The following HADH variants were observed in gnomAD, a reference collection of about 807,000 sequenced individuals.
HADH encodes the protein hydroxyacyl-coenzyme A dehydrogenase, mitochondrial.
Under a neutral mutation model 32.2 loss-of-function variants are expected in HADH, and 24 were observed. That is an observed-to-expected ratio of 0.75 (90% confidence interval 0.54 to 1.05). The LOEUF is 1.05. Ranked by LOEUF, HADH falls within the 50% of genes least tolerant of loss-of-function variation. The pLI is 0.00. For missense variants in HADH, 350 were observed against 397.1 expected, an observed-to-expected ratio of 0.88 and a Z score of 1.01; for synonymous variants, 139 against 152.5, an observed-to-expected ratio of 0.91 and a Z score of 0.65.
chr4:108,022,165 ATATG>A (rs551854845), intron 4 of HADH, among the ~76,000 whole-genome samples: 7 of 121,236 alleles, frequency 5.8e-5, no homozygotes, highest in Non-Finnish European at 9.1e-5. Context: ...TTACATATAT[ATATG>A]TGTGTGTGTG....
chr4:107,992,988 T>C (rs1270399695), intron 1 of HADH, among the ~76,000 whole-genome samples: 1 of 152,166 alleles, frequency 6.6e-6, no homozygotes, highest in Non-Finnish European at 1.5e-5. Context: ...TGGTGGCATG[T>C]GCCTGTGGTC....
chr4:107,999,465 G>A (rs909426324), intron 1 of HADH, among the ~76,000 whole-genome samples: 3 of 152,114 alleles, frequency 2.0e-5, no homozygotes, highest in Non-Finnish European at 4.4e-5. Context: ...CTAGACTCTG[G>A]CTATTAGCTC....
chr4:108,007,553 C>A (rs1735331633), intron 1 of HADH, among the ~76,000 whole-genome samples: 1 of 152,218 alleles, frequency 6.6e-6, no homozygotes, highest in Non-Finnish European at 1.5e-5. Context: ...GCTGCTCACC[C>A]ATGCTTAAGA....
At chr4:108,020,153 T>G (rs1252365090) in intron 4 of HADH, among the ~76,000 whole-genome samples, 1 of 152,200 alleles carries the variant, frequency 6.6e-6, no homozygotes, top group Non-Finnish European at 1.5e-5. Flanking sequence ...GTACATCTCC[T>G]GTGCATTGTG....
chr4:107,991,982 A>G (rs997751582), intron 1 of HADH, among the ~76,000 whole-genome samples: 1 of 152,230 alleles, frequency 6.6e-6, no homozygotes, highest in Non-Finnish European at 1.5e-5. Context: ...CAGAGTGCTT[A>G]GTTCTTTGAA....
chr4:108,031,918 T>C (rs1342720475), intron 6 of HADH: 1 of 159,854 alleles, frequency 6.3e-6, no homozygotes, highest in African/African-American at 2.4e-5. Context: ...GGCCTAACAC[T>C]CAAATCATGA....
chr4:108,017,493 G>C (rs1289460602), intron 3 of HADH, among the ~76,000 whole-genome samples: 1 of 151,652 alleles, frequency 6.6e-6, no homozygotes, highest in Non-Finnish European at 1.5e-5. Context: ...TGGTACCTGA[G>C]TGTCCGAATG....
In HADH at chr4:108,033,220, GC is replaced by G; in HGVS notation, c.756del (p.Gly253ValfsTer10). ...CATTGACACTGCTATGAAATTAGGA[GC>G]CGGTTACCCCATGGGCCCATTTGAG... ...EDIDTAMKLG[A>X]GYPMGPFELL... is the part of the protein sequence containing the mutation. On this transcript the variant is annotated frameshift_variant, in exon 7 of 8. Transcript: ENST00000309522. LOFTEE classifies it high-confidence loss of function. 1 of 1,611,214 alleles carries G rather than the reference GC, an allele frequency of 6.2e-7. No individual in the cohort carries two copies. The highest frequency in any genetic ancestry group is 8.5e-7 in the Non-Finnish European group (1 of 1,177,340).
intron 4 of HADH, 43 bp from the exon 5 acceptor site, chr4:108,023,431 C>T: frequency 2.5e-6 from 3 of 1,181,350 alleles, no homozygotes; most frequent in Non-Finnish European, 3.8e-6. Flanking sequence ...ACCGAAGTTG[C>T]TTGCTGACAC....
chr4:108,034,545 G>A lies in HADH; in HGVS notation c.*188G>A. 1 of 609,632 alleles carries A rather than the reference G, an allele frequency of 1.6e-6. No individual in the cohort carries two copies. Among genetic ancestry groups the A allele is most frequent in the Admixed American group, 2.2e-5 (1 of 44,760 alleles). 37.8% of individuals were successfully genotyped at this position (609,632 alleles called of 1,614,324 possible). ...ACAGCAGTAATAGATTCTCCATTAA[G>A]AAATAATTCCCTTTTTTAGTCTGTT... On this transcript the variant is annotated 3_prime_UTR_variant, in exon 8 of 8. Transcript: ENST00000309522.
chr4:107,990,573 T>C (rs2735564), intron 1 of HADH, among the ~76,000 whole-genome samples: 1 of 152,150 alleles, frequency 6.6e-6, no homozygotes, highest in African/African-American at 2.4e-5. Context: ...CCCCGGTCTT[T>C]CCTTCGCTTG....
chr4:108,004,138 T>G (rs1735211667), intron 1 of HADH, among the ~76,000 whole-genome samples: 2 of 152,174 alleles, frequency 1.3e-5, no homozygotes, highest in African/African-American at 4.8e-5. Flanking sequence ...TAATGTGCCT[T>G]CCCCAAAGGC....
intron 1 of HADH, among the ~76,000 whole-genome samples, chr4:108,007,477 T>C (rs1735328983): frequency 6.6e-6 from 1 of 152,174 alleles, no homozygotes. Context: ...GGAGATCTCA[T>C]AGAAGAAATA....
At chr4:108,003,891 A>G (rs891784939) in intron 1 of HADH, among the ~76,000 whole-genome samples, 3 of 151,744 alleles carry the variant, frequency 2.0e-5, no homozygotes, top group Non-Finnish European at 4.4e-5. Flanking sequence ...GACTTGTATT[A>G]ACCCATTTAA....
intron 1 of HADH, among the ~76,000 whole-genome samples, chr4:108,001,224 C>T (rs929305327): frequency 1.3e-5 from 2 of 151,988 alleles, no homozygotes; most frequent in Non-Finnish European, 2.9e-5. Context: ...AATAGTGGTA[C>T]CAGTAATGAA....
At chr4:108,001,598 C>T (rs533724057) in intron 1 of HADH, among the ~76,000 whole-genome samples, 1 of 152,188 alleles carries the variant, frequency 6.6e-6, no homozygotes, top group East Asian at 1.9e-4. Flanking sequence ...CATTCCTAGA[C>T]CCTCAGTGGA....
chr4:108,021,276 A>G lies in HADH; in HGVS notation c.546+1610A>G, dbSNP rs1159865591. The stretch of plus-strand genomic sequence containing the variant: ...AGGCACATTCTGTAGATTTACTTTA[A>G]TAATGTTTTCAACTGCATTTATCTG... On this transcript the variant is annotated intron_variant, in intron 4 of 7. Coordinates refer to ENST00000309522, the MANE Select transcript of HADH (RefSeq NM_005327.7). Among the ~76,000 whole-genome samples the G allele has an allele frequency of 6.6e-5, 10 of 152,344 alleles. No homozygotes were observed. The South Asian group carries it at 8.3e-4, about 13-fold the overall frequency.
intron 4 of HADH, among the ~76,000 whole-genome samples, chr4:108,022,292 T>C (rs997286905): frequency 7.9e-5 from 12 of 151,984 alleles, no homozygotes; most frequent in Admixed American, 4.6e-4. Flanking sequence ...ATATACTTCA[T>C]CTGGTTCTTT....
rs765324986 is a variant in HADH at position 108,022,181 on chromosome 4, GTGTGTGTA to G, written c.547-1285_547-1278del. Among the ~76,000 whole-genome samples the G allele has an allele frequency of 1.5e-3, 226 of 148,498 alleles. 1 individual carries two copies. The highest frequency in any genetic ancestry group is 3.2e-3 in the East Asian group (16 of 5,060). On this transcript the variant is annotated intron_variant, in intron 4 of 7. Coordinates refer to ENST00000309522, the MANE Select transcript of HADH (RefSeq NM_005327.7). ...TACATATATATATGTGTGTGTGTGT[GTGTGTGTA>G]TGTGTGTGTGTATGTGTGTGTGTGT...
Sources: allele counts gnomAD v4.1 joint callset (sites outside exome capture counted in the v4.1 genomes callset), GRCh38; gene constraint gnomAD v4.1.1; transcripts MANE v1.5; gene names NCBI Gene and HGNC (gene_info 2026-07-23, HGNC 2026-07-21).